The following FRS2 variants were observed in gnomAD, a reference collection of about 807,000 sequenced individuals.
The protein encoded by FRS2 is fibroblast growth factor receptor substrate 2, also known as FGFR signalling adaptor.
A neutral mutation model predicts 43.9 loss-of-function variants in FRS2; 8 were observed. The observed-to-expected ratio is 0.18, with a 90% CI of 0.11 to 0.33. The LOEUF (loss-of-function observed/expected upper bound fraction) is 0.33. Among genes scored for constraint, FRS2 ranks in the 10% least tolerant of loss-of-function variants. The probability of loss-of-function intolerance (pLI) is 1.00; values close to 1 mark genes in which losing one functional copy is unlikely to be tolerated. For synonymous variants in FRS2, 219 were observed against 220.3 expected, an observed-to-expected ratio of 0.99 and a Z score of 0.05; for missense variants, 534 against 627.6, an observed-to-expected ratio of 0.85 and a Z score of 1.59.
At chr12:69,504,319 C>A (rs1233781614) in intron 1 of FRS2, among the ~76,000 whole-genome samples, 2 of 152,250 alleles carry the variant, frequency 1.3e-5, no homozygotes, top group African/African-American at 2.4e-5. Flanking sequence ...GAGCCAAGAT[C>A]ATGCCAGTAC....
At chr12:69,545,600 A>G (rs1041084543) in intron 3 of FRS2, among the ~76,000 whole-genome samples, 2 of 152,062 alleles carry the variant, frequency 1.3e-5, no homozygotes, top group African/African-American at 4.8e-5. Context: ...TACTAAAAAT[A>G]CAAAAGATTA....
At chr12:69,560,483 G>A (rs985054437) in intron 3 of FRS2, among the ~76,000 whole-genome samples, 30 of 152,146 alleles carry the variant, frequency 2.0e-4, no homozygotes, top group South Asian at 2.1e-4. Context: ...AGATTTTTGC[G>A]TGTATTAATT....
intron 1 of FRS2, among the ~76,000 whole-genome samples, chr12:69,478,459 G>A (rs535131704): frequency 4.6e-4 from 70 of 152,150 alleles, no homozygotes; most frequent in African/African-American, 1.7e-3. Context: ...GGTGGCTACT[G>A]TATTAGTGCA....
intron 7 of FRS2, 32 bp from the exon 8 acceptor site, chr12:69,572,086 C>G (rs375524182): frequency 3.0e-4 from 477 of 1,589,720 alleles, no homozygotes; most frequent in Non-Finnish European, 3.9e-4. Context: ...GCCCCGCCCC[C>G]CTTTTCCTTA....
At chr12:69,516,757 T>C (rs1875095165) in intron 1 of FRS2, among the ~76,000 whole-genome samples, 1 of 152,228 alleles carries the variant, frequency 6.6e-6, no homozygotes. Flanking sequence ...TTTATAATTT[T>C]TTTGTTTTAA....
chr12:69,563,342 G>T (rs940482669), intron 4 of FRS2, among the ~76,000 whole-genome samples: 1 of 152,176 alleles, frequency 6.6e-6, no homozygotes, highest in African/African-American at 2.4e-5. Flanking sequence ...GGCCACAACT[G>T]CCCATGTTCC....
At chr12:69,533,340 T>C (rs1310841802) in intron 3 of FRS2, among the ~76,000 whole-genome samples, 1 of 148,410 alleles carries the variant, frequency 6.7e-6, no homozygotes, top group African/African-American at 2.5e-5. Context: ...ATGCCATAAA[T>C]TTAAGTTGTC....
Position 69,574,941 on chromosome 12 carries a change from G to A in FRS2, c.1513G>A (p.Asp505Asn). The change falls in exon 9 of 9, where the codon GAT becomes AAT. Residue 505 changes from aspartate to asparagine, a missense_variant. Physicochemically the swap from Asp to Asn is conservative, Grantham distance 23. This residue lies in a region of FRS2 where 446 missense variants were observed against 494.2 expected (regional missense o/e 0.90). Coordinates refer to ENST00000549921, the MANE Select transcript of FRS2 (RefSeq NM_001278356.2). ...TSRKTRHNST[D>N]LPM ...TAGGAAAACTAGACACAATAGTACTGATCTGCCCATGTGAGCCTGGAAAGC... is the reference window on the plus strand; with the variant it reads ...TAGGAAAACTAGACACAATAGTACTAATCTGCCCATGTGAGCCTGGAAAGC... 1 of 1,604,534 alleles carries A rather than the reference G, an allele frequency of 6.2e-7. No homozygotes were observed. Among genetic ancestry groups the A allele is most frequent in the Non-Finnish European group, 8.5e-7 (1 of 1,171,566 alleles).
chr12:69,476,388 G>T (rs1487457559), intron 1 of FRS2, among the ~76,000 whole-genome samples: 2 of 152,114 alleles, frequency 1.3e-5, no homozygotes, highest in Non-Finnish European at 2.9e-5. Flanking sequence ...CTGCCTGGGG[G>T]TGCTGCTTTA....
chr12:69,546,546 C>A (rs1878428272), intron 3 of FRS2, among the ~76,000 whole-genome samples: 1 of 152,148 alleles, frequency 6.6e-6, no homozygotes, highest in South Asian at 2.1e-4. Flanking sequence ...GCATGTGACA[C>A]CATGCCCGGC....
intron 3 of FRS2, among the ~76,000 whole-genome samples, chr12:69,532,457 T>C (rs1383768391): frequency 6.6e-6 from 1 of 152,166 alleles, no homozygotes; most frequent in Non-Finnish European, 1.5e-5. Flanking sequence ...ATTTGTTTGT[T>C]TGTCTGGTAA....
intron 1 of FRS2, among the ~76,000 whole-genome samples, chr12:69,492,595 G>A (rs1000992067): frequency 5.3e-5 from 8 of 152,120 alleles, no homozygotes; most frequent in African/African-American, 1.4e-4. Flanking sequence ...TTTTTGGGGG[G>A]CAAGCGAGTG....
At chr12:69,508,858 T>A (rs557036122) in intron 1 of FRS2, among the ~76,000 whole-genome samples, 2 of 152,358 alleles carry the variant, frequency 1.3e-5, no homozygotes, top group South Asian at 4.1e-4. Context: ...ATCTCTCTAC[T>A]GCCCACAGGC....
chr12:69,556,393 C>T (rs1176002331), intron 3 of FRS2, among the ~76,000 whole-genome samples: 1 of 151,064 alleles, frequency 6.6e-6, no homozygotes, highest in Non-Finnish European at 1.5e-5. Flanking sequence ...AGTGCAATGG[C>T]GAGATCTCAG....
Position 69,530,936 on chromosome 12 carries a change from C to A in FRS2, c.-189C>A, listed in dbSNP as rs1325302056. 6.6e-6 allele frequency: 1 copy of A among 151,674 alleles called. No individual in the cohort carries two copies. The highest frequency in any genetic ancestry group is 1.5e-5 in the Non-Finnish European group (1 of 67,962). 9.4% of individuals were successfully genotyped at this position (151,674 alleles called of 1,614,324 possible). On this transcript the variant is annotated 5_prime_UTR_variant, in exon 2 of 9. It introduces an in-frame stop codon into an upstream open reading frame of the 5' UTR. Coordinates refer to ENST00000549921, the MANE Select transcript of FRS2 (RefSeq NM_001278356.2). ...AGTCCATTTGTCATAAAGTAAGATG[C>A]AGCTGTGGCATGTCAACCAGCTTGG...
At chr12:69,539,723 A>G (rs1309016513) in intron 3 of FRS2, among the ~76,000 whole-genome samples, 1 of 152,094 alleles carries the variant, frequency 6.6e-6, no homozygotes, top group Non-Finnish European at 1.5e-5. Context: ...TGGGAGGCCA[A>G]GGCGGGCAAA....
chr12:69,532,810 C>T (rs1876934525), intron 3 of FRS2, among the ~76,000 whole-genome samples: 1 of 152,096 alleles, frequency 6.6e-6, no homozygotes, highest in African/African-American at 2.4e-5. Context: ...GTGGGAAGAC[C>T]AGAAAGTACT....
chr12:69,479,554 C>T (rs191387675), intron 1 of FRS2, among the ~76,000 whole-genome samples: 17 of 151,840 alleles, frequency 1.1e-4, no homozygotes, highest in Admixed American at 7.2e-4. Flanking sequence ...TGTACCACCA[C>T]GCCTGGCTAA....
chr12:69,545,782 AAAC>A, intron 3 of FRS2, among the ~76,000 whole-genome samples: 2 of 150,710 alleles, frequency 1.3e-5, no homozygotes, highest in African/African-American at 4.9e-5. Flanking sequence ...AAAAAAACAA[AAAC>A]AAAAACCCAG....
Sources: gnomAD v4.1 joint callset for allele counts (sites outside exome capture counted in the v4.1 genomes callset) on GRCh38, gnomAD v4.1.1 for gene constraint, gnomAD v4.1.1 regional missense constraint, MANE v1.5 for transcripts, NCBI Gene and HGNC (gene_info 2026-07-23, HGNC 2026-07-21) for gene names.